The following BSN variants were observed in gnomAD, a reference collection of about 807,000 sequenced individuals.
BSN encodes protein bassoon.
In BSN, 57 loss-of-function variants were observed where a neutral mutation model predicts 264.8. The ratio of observed to expected loss-of-function variants is 0.22; its 90% CI spans 0.17 to 0.27. BSN has a LOEUF of 0.27. BSN is among the 10% of genes least tolerant of loss of function. The pLI is 1.00. For synonymous variants in BSN, 2,059 were observed against 2,137.3 expected, an observed-to-expected ratio of 0.96 and a Z score of 1.01; for missense variants, 4,615 against 5,232.5, an observed-to-expected ratio of 0.88 and a Z score of 3.64.
intron 1 of BSN, among the ~76,000 whole-genome samples, chr3:49,612,787 T>C (rs2052218534): frequency 6.6e-6 from 1 of 152,270 alleles, no homozygotes; most frequent in Non-Finnish European, 1.5e-5. Flanking sequence ...TTCAAAGATA[T>C]AATGGAAGAA....
At chr3:49,613,439 G>A (rs2052228184) in intron 1 of BSN, among the ~76,000 whole-genome samples, 1 of 151,312 alleles carries the variant, frequency 6.6e-6, no homozygotes, top group South Asian at 2.1e-4. Flanking sequence ...GAGAGAAAGT[G>A]TAAACCCAGA....
At chr3:49,608,146 T>C (rs545587470) in intron 1 of BSN, among the ~76,000 whole-genome samples, 45 of 152,282 alleles carry the variant, frequency 3.0e-4, no homozygotes, top group African/African-American at 1.0e-3. Flanking sequence ...CCCCAGCACC[T>C]TCCTGACTCT....
chr3:49,591,907 C>T (rs1014093635), intron 1 of BSN, among the ~76,000 whole-genome samples: 2 of 152,088 alleles, frequency 1.3e-5, no homozygotes, highest in African/African-American at 4.8e-5. Flanking sequence ...GATTTTCAAA[C>T]TGCCTTTATA....
chr3:49,605,567 T>C (rs2052119588), intron 1 of BSN, among the ~76,000 whole-genome samples: 1 of 3,370 alleles, frequency 3.0e-4, no homozygotes, highest in Non-Finnish European at 4.6e-4. Flanking sequence ...ATATATATTA[T>C]ATATTATATA....
chr3:49,601,537 G>T (rs921089872), intron 1 of BSN, among the ~76,000 whole-genome samples: 1 of 152,126 alleles, frequency 6.6e-6, no homozygotes, highest in Non-Finnish European at 1.5e-5. Flanking sequence ...TTGTGGCTCT[G>T]TGTCTTGGCC....
At chr3:49,644,431 T>C (rs1289754128) in intron 3 of BSN, among the ~76,000 whole-genome samples, 1 of 152,150 alleles carries the variant, frequency 6.6e-6, no homozygotes, top group Non-Finnish European at 1.5e-5. Context: ...AAGACTACTT[T>C]GGCCACCAAA....
chr3:49,663,720 GC>G (rs747790300), intron 7 of BSN, 54 bp downstream of exon 7: 1 of 1,609,498 alleles, frequency 6.2e-7, no homozygotes. Context: ...TATGAATGAA[GC>G]TTGGACATCC....
chr3:49,580,638 T>G (rs1011991252), intron 1 of BSN, among the ~76,000 whole-genome samples: 3 of 151,938 alleles, frequency 2.0e-5, no homozygotes, highest in Non-Finnish European at 2.9e-5. Context: ...TTTTAATATT[T>G]TGTAGATATC....
intron 1 of BSN, among the ~76,000 whole-genome samples, chr3:49,575,638 A>G (rs28434708): frequency 3.2e-5 from 3 of 93,420 alleles, no homozygotes; most frequent in African/African-American, 9.2e-5. Context: ...ATATATATGT[A>G]TATATATGTG....
chr3:49,671,316 CCTTT>C lies in BSN; in HGVS notation c.*3837_*3840del, dbSNP rs1220425673. On this transcript the variant is annotated 3_prime_UTR_variant, in exon 12 of 12. Coordinates refer to ENST00000296452, the MANE Select transcript of BSN (RefSeq NM_003458.4). This position sits in a 1 kb window ranked among gnomAD's most constrained non-coding sequence, Gnocchi z 4.1. ...CTTTCCCCTTCCTCCTCCCTCTCTC[CCTTT>C]CTTTCCTTCTCTCCTTCTTTATTTG... is the stretch of plus-strand genomic sequence containing the variant. 1.3e-5 allele frequency: 2 copies of C among 152,624 alleles called. No individual in the cohort carries two copies. Among genetic ancestry groups the C allele is most frequent in the Non-Finnish European group, 2.9e-5 (2 of 68,064 alleles). The allele number at this position is 152,624 out of a possible 1,614,324, so 9.5% of individuals were successfully genotyped here.
At chr3:49,556,979 C>T (rs2051677557) in intron 1 of BSN, among the ~76,000 whole-genome samples, 1 of 152,132 alleles carries the variant, frequency 6.6e-6, no homozygotes, top group Admixed American at 6.5e-5. Flanking sequence ...ATGCTATTGC[C>T]ATATTACCTT....
chr3:49,625,043 A>G lies in BSN; in HGVS notation c.293A>G (p.Gln98Arg), dbSNP rs774755311. The G allele has an allele frequency of 6.3e-7, 1 of 1,592,138 alleles. No individual in the cohort carries two copies. The highest frequency in any genetic ancestry group is 8.5e-7 in the Non-Finnish European group (1 of 1,171,520). The change falls in exon 2 of 12, where the codon CAG (glutamine) becomes CGG (arginine). Residue 98 changes from glutamine (Q) to arginine (R), a missense_variant. Coordinates refer to ENST00000296452, the MANE Select transcript of BSN (RefSeq NM_003458.4). The surrounding 1 kb of genome is among the most constrained non-coding windows in gnomAD (Gnocchi z 4.4). The part of the protein sequence containing the change: ...NQRAASPTPK[Q>R]ASATTPGHES... ...AGAGCAGCTTCCCCAACTCCGAAGC[A>G]GGCTTCTGCTACCACTCCTGGCCAT... is the stretch of plus-strand genomic sequence containing the variant.
intron 2 of BSN, among the ~76,000 whole-genome samples, chr3:49,634,428 T>G (rs1412609712): frequency 6.6e-6 from 1 of 152,228 alleles, no homozygotes; most frequent in African/African-American, 2.4e-5. Flanking sequence ...TTTTTATTTG[T>G]TCATTTGAGA....
In BSN at chr3:49,661,242, C is replaced by T. The variant is rs1192606645; in HGVS notation, c.9397C>T (p.Pro3133Ser). The T allele has an allele frequency of 6.2e-7, 1 of 1,613,722 alleles. No individual in the cohort carries two copies. ...GCCAACCACACAGAGCACCCTTTTT[C>T]CAGTCCCCGCTGATAGCCGTGCCCC... The part of the protein sequence containing the change: ...PMPTTQSTLF[P>S]VPADSRAPLQ... The change falls in exon 6 of 12, where the codon CCA (proline) becomes TCA (serine). Residue 3133 changes from proline (P) to serine (S), a missense_variant. Pro to Ser is a moderately conservative substitution (Grantham distance 74). Coordinates refer to ENST00000296452, the MANE Select transcript of BSN (RefSeq NM_003458.4).
At position 49,653,526 on chromosome 3, in the gene BSN, T is replaced by TCTA; in HGVS notation, c.3972_3974dup (p.Thr1325dup). 1 of 1,613,882 alleles carries TCTA rather than the reference T, an allele frequency of 6.2e-7. No homozygotes were observed. Among genetic ancestry groups the TCTA allele is most frequent in the East Asian group, 2.2e-5 (1 of 44,876 alleles). ...CCAGCTCGCTGCCCCTGTGTCCTTC[T>TCTA]CTACCCCCACCTCCTCAGACAGCAG... On this transcript the variant is annotated inframe_insertion, in exon 5 of 12. Transcript: ENST00000296452. The surrounding 1 kb of genome is among the most constrained non-coding windows in gnomAD (Gnocchi z 6.3).
Position 49,661,385 on chromosome 3 carries a change from C to T in BSN, c.9540C>T (p.Tyr3180=). 6.2e-7 allele frequency: 1 copy of T among 1,613,986 alleles called. No homozygotes were observed. Among genetic ancestry groups the T allele is most frequent in the Non-Finnish European group, 8.5e-7 (1 of 1,180,036 alleles). The change falls in exon 6 of 12, where the codon TAC becomes TAT. Residue 3180 remains tyrosine, a synonymous_variant. Transcript: ENST00000296452. ...PMSSAPSETS[Y]SGPAVSSGYE... ...CTTCAGCCCCATCTGAAACCAGCTA[C>T]AGTGGCCCAGCAGTGAGCAGCGGCT...
At position 49,664,560 on chromosome 3, in the gene BSN, C is replaced by T; in HGVS notation, c.11740+6C>T. ...AGCTGGCAAACTGACGGAAGGTATGCACTGCCTGCAACTGGTCTGTGGTGG... is the reference window on the plus strand; with the variant it reads ...AGCTGGCAAACTGACGGAAGGTATGTACTGCCTGCAACTGGTCTGTGGTGG... On this transcript the variant is annotated splice_donor_region_variant and intron_variant, in intron 9 of 11. Transcript: ENST00000296452. 6.3e-7 allele frequency: 1 copy of T among 1,592,884 alleles called. No homozygotes were observed. Among genetic ancestry groups the T allele is most frequent in the Non-Finnish European group, 8.5e-7 (1 of 1,170,402 alleles).
Position 49,651,072 on chromosome 3 carries a change from A to T in BSN, c.1979A>T (p.Glu660Val). 1 of 1,610,328 alleles carries T rather than the reference A, an allele frequency of 6.2e-7. No individual in the cohort carries two copies. Residue 660 changes from glutamate to valine, a missense_variant, in exon 4 of 12, where the codon GAG (glutamate) becomes GTG (valine). By Grantham distance (121) the Glu-to-Val change is moderately radical. This residue lies in a region of BSN where 1,197 missense variants were observed against 1,348.0 expected (regional missense o/e 0.89). Coordinates refer to ENST00000296452, the MANE Select transcript of BSN (RefSeq NM_003458.4). The surrounding 1 kb of genome is among the most constrained non-coding windows in gnomAD (Gnocchi z 5.4). The part of the protein sequence containing the change: ...KAVPEAPKGG[E>V]AEDLVGKPYS... ...GTTCCAGAAGCCCCCAAGGGTGGGG[A>T]GGCGGAGGTCAGTCCCATTCACTTC... is the stretch of plus-strand genomic sequence containing the variant.
chr3:49,570,538 T>C (rs1050850935), intron 1 of BSN, among the ~76,000 whole-genome samples: 3 of 152,332 alleles, frequency 2.0e-5, no homozygotes, highest in Admixed American at 2.0e-4. Flanking sequence ...GCCTCTGTGC[T>C]GTCCCTACTC....
Sources: allele counts gnomAD v4.1 joint callset (sites outside exome capture counted in the v4.1 genomes callset), GRCh38; gene constraint gnomAD v4.1.1; regional missense constraint gnomAD v4.1.1; non-coding constraint Gnocchi (gnomAD v3.1); transcripts MANE v1.5; gene names NCBI Gene and HGNC (gene_info 2026-07-23, HGNC 2026-07-21).